SSR3: variants seen among roughly 807,000 people sequenced by gnomAD.
SSR3 encodes translocon-associated protein subunit gamma.
A neutral mutation model predicts 22.1 loss-of-function variants in SSR3; 10 were observed. The ratio of observed to expected loss-of-function variants is 0.45; its 90% CI spans 0.28 to 0.77. The LOEUF (loss-of-function observed/expected upper bound fraction) is 0.77, where lower values mean the gene tolerates loss of function less well. Among genes scored for constraint, SSR3 ranks in the 30% least tolerant of loss-of-function variants. The pLI is 0.13. For synonymous variants in SSR3, 104 were observed against 82.5 expected, an observed-to-expected ratio of 1.26 and a Z score of -1.42; for missense variants, 181 against 220.5, an observed-to-expected ratio of 0.82 and a Z score of 1.13.
intron 3 of SSR3, among the ~76,000 whole-genome samples, chr3:156,546,158 C>A (rs1719752495): frequency 6.6e-6 from 1 of 152,190 alleles, no homozygotes; most frequent in African/African-American, 2.4e-5. Flanking sequence ...TGGGAGGTGA[C>A]TGGATCATGG....
chr3:156,554,412 T>A (rs1324712670), intron 1 of SSR3, among the ~76,000 whole-genome samples: 1 of 152,146 alleles, frequency 6.6e-6, no homozygotes, highest in Non-Finnish European at 1.5e-5. Flanking sequence ...GTAGGATTAT[T>A]AAAAAGTATA....
chr3:156,544,508 G>T, intron 3 of SSR3, 69 bp from the exon 4 acceptor site: 6 of 1,277,936 alleles, frequency 4.7e-6, no homozygotes, highest in Non-Finnish European at 6.2e-6. Context: ...GTACCATATG[G>T]CTCTAGTTCA....
At position 156,542,902 on chromosome 3, in the gene SSR3, T is replaced by C; in HGVS notation, c.*301A>G. On this transcript the variant is annotated 3_prime_UTR_variant, in exon 5 of 5. Coordinates refer to ENST00000265044, the MANE Select transcript of SSR3 (RefSeq NM_007107.5). ...AATAACAGCTCGGCCCAGGTTACTG[T>C]GACCTCTGACAGATCAAGGAAACAA... 1 of 318,684 alleles carries C rather than the reference T, an allele frequency of 3.1e-6. No individual in the cohort carries two copies. The highest frequency in any genetic ancestry group is 5.7e-6 in the Non-Finnish European group (1 of 175,300). The allele number at this position is 318,684 out of a possible 1,614,324, so 19.7% of individuals were successfully genotyped here. A position where few individuals can be genotyped will look rare whatever the true frequency, so the allele number is the denominator to read the frequency against.
At position 156,553,702 on chromosome 3, in the gene SSR3, A is replaced by G. The variant is rs138150570; in HGVS notation, c.213T>C (p.Tyr71=). The change falls in exon 2 of 5, where the codon TAT becomes TAC. Residue 71 remains tyrosine (Y), a synonymous_variant. Transcript: ENST00000265044. ...LYSVMTLVST[Y]LVAFAYKNVK... ...CATTCTTGTATGCAAAGGCTACCAA[A>G]TATGTGCTTACTAGGGTCATCACAC... is the stretch of plus-strand genomic sequence containing the variant. The G allele has an allele frequency of 2.5e-6, 4 of 1,612,622 alleles. No individual in the cohort carries two copies. Among genetic ancestry groups the G allele is most frequent in the Non-Finnish European group, 3.4e-6 (4 of 1,179,926 alleles).
Position 156,555,048 on chromosome 3 carries a change from G to C in SSR3, c.42C>G (p.Asp14Glu), listed in dbSNP as rs372869913. 3 of 1,614,030 alleles carry C rather than the reference G, an allele frequency of 1.9e-6. No homozygotes were observed. The highest frequency in any genetic ancestry group is 2.5e-6 in the Non-Finnish European group (3 of 1,179,958). Reference sequence around the variant, plus strand: ...TGCGGCTGAAATCCTGCAGGAGCAGGTCCTCCTCAGACTGCTGTTTGGAGC... The same window carrying C: ...TGCGGCTGAAATCCTGCAGGAGCAGCTCCTCCTCAGACTGCTGTTTGGAGC... ...KGSSKQQSEE[D>E]LLLQDFSRNL... The change falls in exon 1 of 5, where the codon GAC becomes GAG. Residue 14 changes from aspartate to glutamate, a missense_variant. By Grantham distance (45) the Asp-to-Glu change is conservative (BLOSUM62 2). Coordinates refer to ENST00000265044, the MANE Select transcript of SSR3 (RefSeq NM_007107.5).
At chr3:156,544,195 G>A in intron 4 of SSR3, 113 bp downstream of exon 4, 1 of 904,650 alleles carries the variant, frequency 1.1e-6, no homozygotes, top group Admixed American at 3.5e-5. Flanking sequence ...CTATTTAATG[G>A]ACTGACTCCC....
At chr3:156,551,270 A>C in intron 2 of SSR3, 1 of 152,206 alleles carries the variant, frequency 6.6e-6, no homozygotes, top group Non-Finnish European at 1.5e-5. Context: ...TAAAGTAGAA[A>C]GGAAAAGGTA....
At chr3:156,554,934 C>A (rs1720096773) in intron 1 of SSR3, 23 bp downstream of exon 1, 2 of 1,607,804 alleles carry the variant, frequency 1.2e-6, no homozygotes, top group Non-Finnish European at 1.7e-6. Context: ...GCCTGCCTAA[C>A]CCGCCTCGCT....
In SSR3 at chr3:156,541,081, C is replaced by G. The variant is rs1227029898; in HGVS notation, c.*2122G>C. 6.6e-6 allele frequency: 1 copy of G among 152,142 alleles called. No individual in the cohort carries two copies. Among genetic ancestry groups the G allele is most frequent in the Non-Finnish European group, 1.5e-5 (1 of 68,010 alleles). 9.4% of individuals were successfully genotyped at this position (152,142 alleles called of 1,614,324 possible). A position where few individuals can be genotyped will look rare whatever the true frequency, so the allele number is the denominator to read the frequency against. On this transcript the variant is annotated 3_prime_UTR_variant, in exon 5 of 5. Transcript: ENST00000265044. The stretch of plus-strand genomic sequence containing the variant: ...AATTCACAACAGTAAACAAATTTTG[C>G]TCACTCATTTTCCTACAAATCTTCA...
chr3:156,553,183 G>A (rs1720026546), intron 2 of SSR3, among the ~76,000 whole-genome samples: 1 of 152,136 alleles, frequency 6.6e-6, no homozygotes. Flanking sequence ...CTTGAGCCTG[G>A]GAAGGTTGAG....
Position 156,540,837 on chromosome 3 carries a change from A to C in SSR3, c.*2366T>G, listed in dbSNP as rs1387215631. The C allele has an allele frequency of 6.6e-6, 1 of 152,164 alleles. No homozygotes were observed. The highest frequency in any genetic ancestry group is 2.4e-5 in the African/African-American group (1 of 41,434). 9.4% of individuals were successfully genotyped at this position (152,164 alleles called of 1,614,324 possible). ...TTCTACAGCATGGTTTTACTAAGTC[A>C]GATTGAGTAGGTCGCATCTCTGTGT... On this transcript the variant is annotated 3_prime_UTR_variant, in exon 5 of 5. Coordinates refer to ENST00000265044, the MANE Select transcript of SSR3 (RefSeq NM_007107.5).
chr3:156,544,690 G>A (rs573540155), intron 3 of SSR3, among the ~76,000 whole-genome samples: 1 of 152,170 alleles, frequency 6.6e-6, no homozygotes, highest in Non-Finnish European at 1.5e-5. Flanking sequence ...CAGGGTTATG[G>A]AAGAAAGGAC....
rs1450121671 is a variant in SSR3, at chr3:156,548,954, G to C, written c.310C>G (p.Leu104Val). ...ATCTTTCTATTATCAGCTTCAGAAA[G>C]TTTTCGAGTCACTTCTTTGGAAACA... ...DAVSKEVTRKLSEADNRKMSR... is the reference protein window; with the variant it reads ...DAVSKEVTRKVSEADNRKMSR... Residue 104 changes from leucine to valine, a missense_variant, in exon 3 of 5, where the codon CTT becomes GTT. By Grantham distance (32) the Leu-to-Val change is conservative. Transcript: ENST00000265044. 3.7e-6 allele frequency: 6 copies of C among 1,613,252 alleles called. No individual in the cohort carries two copies. The highest frequency in any genetic ancestry group is 4.2e-6 in the Non-Finnish European group (5 of 1,179,824).
intron 3 of SSR3, among the ~76,000 whole-genome samples, chr3:156,546,421 G>A (rs1308505569): frequency 2.6e-5 from 4 of 152,040 alleles, no homozygotes; most frequent in Middle Eastern, 3.2e-3. Flanking sequence ...TGTGAAAATC[G>A]ACTAATACAA....
chr3:156,552,748 C>T (rs531458965), intron 2 of SSR3, among the ~76,000 whole-genome samples: 2 of 152,114 alleles, frequency 1.3e-5, no homozygotes, highest in Non-Finnish European at 2.9e-5. Flanking sequence ...CATCAAAGGG[C>T]GTCAATTAAA....
At chr3:156,552,451 A>G (rs1719997179) in intron 2 of SSR3, among the ~76,000 whole-genome samples, 1 of 152,254 alleles carries the variant, frequency 6.6e-6, no homozygotes, top group East Asian at 1.9e-4. Flanking sequence ...ACATAGGGCA[A>G]TGTGCTTCAT....
chr3:156,539,657 T>A lies in SSR3; in HGVS notation c.*3546A>T, dbSNP rs1719350368. 6.6e-6 allele frequency among the ~76,000 whole-genome samples: 1 copy of A among 152,142 alleles called. No individual in the cohort carries two copies. The highest frequency in any genetic ancestry group is 6.5e-5 in the Admixed American group (1 of 15,286). ...CCCCCCAAAAGACCCTCCTAATCTA[T>A]TAATTCCTCTGCTTGGGAGTCCCAA... On this transcript the variant is annotated 3_prime_UTR_variant, in exon 5 of 5. Coordinates refer to ENST00000265044, the MANE Select transcript of SSR3 (RefSeq NM_007107.5).
At position 156,541,107 on chromosome 3, in the gene SSR3, G is replaced by A. The variant is rs1320442348; in HGVS notation, c.*2096C>T. On this transcript the variant is annotated 3_prime_UTR_variant, in exon 5 of 5. Transcript: ENST00000265044. ...TCACTCATTTTCCTACAAATCTTCA[G>A]TTTATTAATTCAAGAGAAACTATAT... is the stretch of plus-strand genomic sequence containing the variant. The A allele has an allele frequency of 1.3e-5, 2 of 152,184 alleles. No homozygotes were observed. Among genetic ancestry groups the A allele is most frequent in the Non-Finnish European group, 2.9e-5 (2 of 68,026 alleles). The allele number at this position is 152,184 out of a possible 1,614,324, so 9.4% of individuals were successfully genotyped here. A position where few individuals can be genotyped will look rare whatever the true frequency, so the allele number is the denominator to read the frequency against.
intron 2 of SSR3, among the ~76,000 whole-genome samples, chr3:156,550,578 G>A (rs1447160339): frequency 2.0e-5 from 3 of 152,250 alleles, no homozygotes; most frequent in East Asian, 1.9e-4. Flanking sequence ...TAGAGGTCAC[G>A]CTAGTGACCT....
Sources: gnomAD v4.1 joint callset for allele counts (sites outside exome capture counted in the v4.1 genomes callset) on GRCh38, gnomAD v4.1.1 for gene constraint, MANE v1.5 for transcripts, NCBI Gene and HGNC (gene_info 2026-07-23, HGNC 2026-07-21) for gene names.